The following AHCYL2 variants were observed in gnomAD, a reference collection of about 807,000 sequenced individuals.
AHCYL2 encodes S-adenosylhomocysteine hydrolase-like protein 2.
In AHCYL2, 28 loss-of-function variants were observed where a neutral mutation model predicts 81.4. The observed-to-expected ratio is 0.34, with a 90% CI of 0.25 to 0.47. The LOEUF is 0.47. Ranked by LOEUF, AHCYL2 falls within the 20% of genes least tolerant of loss-of-function variation. AHCYL2 has a pLI of 1.00. For missense variants in AHCYL2, 551 were observed against 785.1 expected, an observed-to-expected ratio of 0.70 and a Z score of 3.56; for synonymous variants, 272 against 290.2, an observed-to-expected ratio of 0.94 and a Z score of 0.64.
chr7:129,343,453 G>A (rs1365803324), intron 1 of AHCYL2, among the ~76,000 whole-genome samples: 2 of 152,074 alleles, frequency 1.3e-5, no homozygotes, highest in Non-Finnish European at 2.9e-5. Flanking sequence ...TTATGACTTC[G>A]AAGACTATTT....
chr7:129,229,656 G>A (rs983624852), intron 1 of AHCYL2, among the ~76,000 whole-genome samples: 1 of 152,206 alleles, frequency 6.6e-6, no homozygotes, highest in African/African-American at 2.4e-5. Flanking sequence ...AGGCGTGTCT[G>A]TCTGGCTAAG....
At chr7:129,346,883 A>G (rs983259500) in intron 1 of AHCYL2, among the ~76,000 whole-genome samples, 13 of 152,230 alleles carry the variant, frequency 8.5e-5, no homozygotes, top group Middle Eastern at 3.2e-3. Flanking sequence ...AAGCAATTTT[A>G]AAGATGTTCT....
chr7:129,321,537 A>G (rs1798012710), intron 1 of AHCYL2, among the ~76,000 whole-genome samples: 1 of 152,100 alleles, frequency 6.6e-6, no homozygotes, highest in South Asian at 2.1e-4. Context: ...TATTCTTTTC[A>G]TATATTGCTG....
chr7:129,344,360 A>G (rs934899465), intron 1 of AHCYL2, among the ~76,000 whole-genome samples: 3 of 152,216 alleles, frequency 2.0e-5, no homozygotes, highest in South Asian at 4.1e-4. Flanking sequence ...CCATCAATAA[A>G]TGAATGGATA....
intron 1 of AHCYL2, among the ~76,000 whole-genome samples, chr7:129,258,981 T>G (rs942402699): frequency 6.6e-6 from 1 of 152,230 alleles, no homozygotes; most frequent in African/African-American, 2.4e-5. Context: ...ATCCTGCTCC[T>G]TGGACACCAT....
At chr7:129,287,652 C>T (rs1433100914) in intron 1 of AHCYL2, among the ~76,000 whole-genome samples, 6 of 152,148 alleles carry the variant, frequency 3.9e-5, no homozygotes, top group Middle Eastern at 3.2e-3. Flanking sequence ...ATCTGGTCAT[C>T]GAATTTTAGA....
chr7:129,355,718 G>T (rs1446441027), intron 1 of AHCYL2, among the ~76,000 whole-genome samples: 1 of 152,184 alleles, frequency 6.6e-6, no homozygotes, highest in Middle Eastern at 3.2e-3. Context: ...AATTCACTCT[G>T]TAGGTCTCCC....
At chr7:129,264,402 C>T (rs952806858) in intron 1 of AHCYL2, among the ~76,000 whole-genome samples, 3 of 151,984 alleles carry the variant, frequency 2.0e-5, no homozygotes, top group African/African-American at 4.8e-5. Flanking sequence ...TTGGATAAAC[C>T]GGTATCGAGC....
At chr7:129,267,749 T>G (rs960273873) in intron 1 of AHCYL2, among the ~76,000 whole-genome samples, 2 of 152,030 alleles carry the variant, frequency 1.3e-5, no homozygotes, top group African/African-American at 4.8e-5. Flanking sequence ...AGATAGGAAG[T>G]AGAAAAGAGG....
intron 1 of AHCYL2, among the ~76,000 whole-genome samples, chr7:129,238,679 C>T (rs1315394000): frequency 6.6e-6 from 1 of 152,152 alleles, no homozygotes; most frequent in Non-Finnish European, 1.5e-5. Flanking sequence ...TGGCCGGGCG[C>T]GGTGGCTCAC....
Position 129,429,474 on chromosome 7 carries a change from G to A in AHCYL2, c.*2429G>A, listed in dbSNP as rs569287092. Reference sequence around the variant, plus strand: ...CTTTGTATGTGGCTCCAGTCTGTGAGGATACATAACATTTTCTCTACAATG... The same window carrying A: ...CTTTGTATGTGGCTCCAGTCTGTGAAGATACATAACATTTTCTCTACAATG... On this transcript the variant is annotated 3_prime_UTR_variant, in exon 17 of 17. Coordinates refer to ENST00000325006, the MANE Select transcript of AHCYL2 (RefSeq NM_015328.4). 6.6e-6 allele frequency: 1 copy of A among 152,192 alleles called. No individual in the cohort carries two copies. The highest frequency in any genetic ancestry group is 1.5e-5 in the Non-Finnish European group (1 of 68,020). The allele number at this position is 152,192 out of a possible 1,614,324, so 9.4% of individuals were successfully genotyped here.
intron 1 of AHCYL2, among the ~76,000 whole-genome samples, chr7:129,338,456 A>G (rs1232821056): frequency 3.9e-5 from 6 of 152,136 alleles, no homozygotes; most frequent in African/African-American, 1.4e-4. Flanking sequence ...TGCCTGGCCT[A>G]CCTTATAAAT....
chr7:129,230,922 G>A (rs1160063564), intron 1 of AHCYL2, among the ~76,000 whole-genome samples: 1 of 152,126 alleles, frequency 6.6e-6, no homozygotes, highest in Non-Finnish European at 1.5e-5. Flanking sequence ...TGCACTGACA[G>A]TTTCTTTTTA....
At chr7:129,296,501 G>A (rs1355926530) in intron 1 of AHCYL2, among the ~76,000 whole-genome samples, 1 of 152,130 alleles carries the variant, frequency 6.6e-6, no homozygotes, top group Non-Finnish European at 1.5e-5. Flanking sequence ...TCAAGCTGAG[G>A]GGTTCAAGAC....
At chr7:129,290,457 C>T (rs1476029936) in intron 1 of AHCYL2, among the ~76,000 whole-genome samples, 6 of 147,800 alleles carry the variant, frequency 4.1e-5, no homozygotes, top group East Asian at 2.0e-4. Context: ...GCTGAGATTG[C>T]GCCACTGCAC....
At chr7:129,308,199 T>G (rs1797512913) in intron 1 of AHCYL2, among the ~76,000 whole-genome samples, 1 of 152,086 alleles carries the variant, frequency 6.6e-6, no homozygotes, top group African/African-American at 2.4e-5. Context: ...CTAGACAGCC[T>G]TTCAAGTTTA....
At chr7:129,408,790 G>A (rs538498125) in intron 10 of AHCYL2, among the ~76,000 whole-genome samples, 2 of 152,326 alleles carry the variant, frequency 1.3e-5, no homozygotes, top group African/African-American at 4.8e-5. Flanking sequence ...AAGGTTGGCT[G>A]AAGTTGAGGA....
intron 1 of AHCYL2, among the ~76,000 whole-genome samples, chr7:129,328,749 G>C (rs958779552): frequency 1.3e-5 from 2 of 152,044 alleles, no homozygotes; most frequent in African/African-American, 4.8e-5. Context: ...GCCTCCCAAA[G>C]TGTTGGGATT....
At chr7:129,248,027 G>A (rs992061829) in intron 1 of AHCYL2, among the ~76,000 whole-genome samples, 1 of 152,016 alleles carries the variant, frequency 6.6e-6, no homozygotes, top group African/African-American at 2.4e-5. Context: ...TTTGGGCTTG[G>A]GGTGAAAAAA....
Sources: gnomAD v4.1 joint callset for allele counts (sites outside exome capture counted in the v4.1 genomes callset) on GRCh38, gnomAD v4.1.1 for gene constraint, MANE v1.5 for transcripts, NCBI Gene and HGNC (gene_info 2026-07-23, HGNC 2026-07-21) for gene names.